Variants in OR6N1 observed in about 807,000 individuals in gnomAD.
OR6N1 encodes the protein olfactory receptor family 6 subfamily N member 1, also known as olfactory receptor 6N1.
For missense variants in OR6N1, 394 were observed against 371.7 expected, an observed-to-expected ratio of 1.06 and a Z score of -0.49; for synonymous variants, 170 against 150.7, an observed-to-expected ratio of 1.13 and a Z score of -0.94.
the OR6N1 span, among the ~76,000 whole-genome samples, chr1:158,832,639 G>T: frequency 2.0e-5 from 3 of 151,482 alleles, no homozygotes; most frequent in East Asian, 3.9e-4. Context: ...TTTCCAAGTT[G>T]CATACTTTAC....
At chr1:158,799,084 G>T in the OR6N1 span, among the ~76,000 whole-genome samples, 1 of 152,090 alleles carries the variant, frequency 6.6e-6, no homozygotes, top group African/African-American at 2.4e-5. Flanking sequence ...CACTTTCAAA[G>T]TATCTAATTT....
the OR6N1 span, among the ~76,000 whole-genome samples, chr1:158,835,372 G>T: frequency 6.6e-6 from 1 of 151,996 alleles, no homozygotes; most frequent in African/African-American, 2.4e-5. Context: ...ATTGTATACA[G>T]AAAAAGAACT....
At chr1:158,783,903 G>A in the OR6N1 span, among the ~76,000 whole-genome samples, 1 of 152,082 alleles carries the variant, frequency 6.6e-6, no homozygotes, top group Admixed American at 6.5e-5. Context: ...TCAGGAGATC[G>A]AGACCATCCT....
the OR6N1 span, among the ~76,000 whole-genome samples, chr1:158,786,188 T>C: frequency 6.6e-6 from 1 of 151,920 alleles, no homozygotes; most frequent in Non-Finnish European, 1.5e-5. Flanking sequence ...GCAAAGGACA[T>C]GAATAGAAAA....
the OR6N1 span, among the ~76,000 whole-genome samples, chr1:158,839,860 T>G: frequency 6.6e-6 from 1 of 152,224 alleles, no homozygotes; most frequent in Admixed American, 6.5e-5. Flanking sequence ...CATGGTATAA[T>G]GAAAGTCTGG....
At chr1:158,787,635 T>TCTCACACA in the OR6N1 span, among the ~76,000 whole-genome samples, 84 of 134,314 alleles carry the variant, frequency 6.3e-4, no homozygotes, top group African/African-American at 2.3e-3. Context: ...TCTCTCTCTC[T>TCTCACACA]CACACACACA....
the OR6N1 span, among the ~76,000 whole-genome samples, chr1:158,782,317 T>G: frequency 6.6e-6 from 1 of 152,246 alleles, no homozygotes; most frequent in African/African-American, 2.4e-5. Flanking sequence ...GCAACTAAAC[T>G]TCTCCAAATA....
chr1:158,789,403 C>T, the OR6N1 span, among the ~76,000 whole-genome samples: 166 of 152,206 alleles, frequency 1.1e-3, 1 homozygote, highest in African/African-American at 8.7e-4. Context: ...TTTAGTTTTA[C>T]GAGGAATCTC....
chr1:158,781,891 T>G, the OR6N1 span, among the ~76,000 whole-genome samples: 1 of 152,266 alleles, frequency 6.6e-6, no homozygotes, highest in Non-Finnish European at 1.5e-5. Context: ...GTGAAGTTGG[T>G]GTGATTGTTA....
At chr1:158,767,117 T>G (rs1265208432) in intron 1 of OR6N1, among the ~76,000 whole-genome samples, 1 of 152,234 alleles carries the variant, frequency 6.6e-6, no homozygotes, top group Non-Finnish European at 1.5e-5. Flanking sequence ...CAAATATATA[T>G]AATTTGAATA....
the OR6N1 span, among the ~76,000 whole-genome samples, chr1:158,797,748 C>T: frequency 1.3e-5 from 2 of 151,084 alleles, no homozygotes; most frequent in African/African-American, 4.9e-5. Flanking sequence ...TATTTTTTCA[C>T]ATTACTAGTT....
At chr1:158,810,685 A>G in the OR6N1 span, among the ~76,000 whole-genome samples, 8 of 152,340 alleles carry the variant, frequency 5.3e-5, no homozygotes, top group Admixed American at 5.2e-4. Flanking sequence ...CCTTGTGTAT[A>G]CATGGAGAAC....
the OR6N1 span, among the ~76,000 whole-genome samples, chr1:158,835,935 A>G: frequency 6.6e-6 from 1 of 151,590 alleles, no homozygotes; most frequent in African/African-American, 2.4e-5. Flanking sequence ...TATTATCTTA[A>G]TTGATTTTTA....
chr1:158,766,937 T>G (rs557763378), intron 1 of OR6N1, among the ~76,000 whole-genome samples: 1 of 152,288 alleles, frequency 6.6e-6, no homozygotes, highest in Admixed American at 6.5e-5. Flanking sequence ...AGCTCATTTT[T>G]GGCCTTCCTA....
At chr1:158,793,990 A>C in the OR6N1 span, among the ~76,000 whole-genome samples, 1 of 152,200 alleles carries the variant, frequency 6.6e-6, no homozygotes, top group Non-Finnish European at 1.5e-5. Context: ...TGTTCCGGCT[A>C]TTCAGATTAG....
At chr1:158,831,092 G>A in the OR6N1 span, among the ~76,000 whole-genome samples, 1 of 152,116 alleles carries the variant, frequency 6.6e-6, no homozygotes, top group African/African-American at 2.4e-5. Context: ...GCGGCTACCG[G>A]TTTCTAATGA....
the OR6N1 span, among the ~76,000 whole-genome samples, chr1:158,798,417 AC>A: frequency 6.6e-6 from 1 of 151,694 alleles, no homozygotes; most frequent in Non-Finnish European, 1.5e-5. Context: ...TTGAAATTAT[AC>A]TTTTTGTTAT....
At chr1:158,777,248 G>GCC in the OR6N1 span, 1 of 1,614,132 alleles carries the variant, frequency 6.2e-7, no homozygotes, top group Non-Finnish European at 8.5e-7. Flanking sequence ...GGGTAGTGGA[G>GCC]GGGCCGACAA....
the OR6N1 span, among the ~76,000 whole-genome samples, chr1:158,836,314 T>C: frequency 6.6e-6 from 1 of 152,020 alleles, no homozygotes; most frequent in East Asian, 1.9e-4. Flanking sequence ...TAATTCTTCT[T>C]TATATATTTG....
Sources: gnomAD v4.1 joint callset for allele counts (sites outside exome capture counted in the v4.1 genomes callset) on GRCh38, gnomAD v4.1.1 for gene constraint, MANE v1.5 for transcripts, NCBI Gene and HGNC (gene_info 2026-07-23, HGNC 2026-07-21) for gene names.